TTC34: variants seen among roughly 807,000 people sequenced by gnomAD.
TTC34 encodes tetratricopeptide repeat protein 34.
Under a neutral mutation model 40.7 loss-of-function variants are expected in TTC34, and 44 were observed. That is an observed-to-expected ratio of 1.08 (90% confidence interval 0.85 to 1.39). TTC34 has a LOEUF of 1.39. TTC34 is among the 40% of genes most tolerant of loss of function. The pLI, the probability that TTC34 is intolerant of heterozygous loss-of-function variation, is 0.00. For missense variants in TTC34, 884 were observed against 838.0 expected, an observed-to-expected ratio of 1.05 and a Z score of -0.68; for synonymous variants, 422 against 398.6, an observed-to-expected ratio of 1.06 and a Z score of -0.70.
intron 3 of TTC34, among the ~76,000 whole-genome samples, chr1:2,788,013 A>C (rs1216214379): frequency 6.6e-6 from 1 of 152,344 alleles, no homozygotes; most frequent in Non-Finnish European, 1.5e-5. Flanking sequence ...ACAGACGAAC[A>C]ATTTGGCCTT....
chr1:2,652,166 CCCAGGTGAGCATCTG>C, intron 6 of TTC34, among the ~76,000 whole-genome samples: 2 of 151,026 alleles, frequency 1.3e-5, no homozygotes, highest in African/African-American at 2.4e-5. Flanking sequence ...AACCCACACC[CCCAGGTGAGCATCTG>C]ACAGACTGGA....
exon 9 of TTC34, chr1:2,638,851 C>A (rs1004997960): frequency 6.6e-6 from 1 of 152,286 alleles, no homozygotes; most frequent in Admixed American, 6.5e-5. Context: ...GCCGCGGGAA[C>A]GGGCATGTCT....
chr1:2,687,312 A>G (rs61765678), intron 6 of TTC34, among the ~76,000 whole-genome samples: 1,842 of 89,834 alleles, frequency 0.021, 50 homozygotes, highest in Middle Eastern at 0.062. Flanking sequence ...ACATCGTGGA[A>G]CAGCACCCCA....
intron 6 of TTC34, among the ~76,000 whole-genome samples, chr1:2,695,675 C>T (rs1244758099): frequency 8.2e-6 from 1 of 121,664 alleles, no homozygotes; most frequent in Non-Finnish European, 1.8e-5. Context: ...AGCACCCACA[C>T]CCCCAGGTGA....
intron 6 of TTC34, among the ~76,000 whole-genome samples, chr1:2,660,782 G>A (rs1447466783): frequency 4.1e-4 from 57 of 140,384 alleles, no homozygotes; most frequent in African/African-American, 1.5e-3. Context: ...GACTGGAGCA[G>A]CACCCACACC....
chr1:2,775,103 T>C (rs559741741), intron 6 of TTC34: 13 of 128,826 alleles, frequency 1.0e-4, no homozygotes, highest in African/African-American at 4.0e-4. Flanking sequence ...AACAGAATTC[T>C]CCAACCACAG....
rs1423673966 is a variant in TTC34 at position 2,684,845 on chromosome 1, T to G, written c.2227-39282A>C. On this transcript the variant is annotated intron_variant, in intron 6 of 8. Transcript: ENST00000401095. ...TGCAGCAGCACCCCACACCCACAGG[T>G]GAGCATCTGACAGCCTGGAGCAGCA... Among the ~76,000 whole-genome samples the G allele has an allele frequency of 4.0e-4, 36 of 90,614 alleles. 1 individual carries two copies. Among genetic ancestry groups the G allele is most frequent in the African/African-American group, 4.7e-4 (8 of 16,864 alleles). 59.4% of individuals were successfully genotyped at this position (90,614 alleles called of 152,430 possible).
At chr1:2,688,176 G>C (rs1640454929) in intron 6 of TTC34, among the ~76,000 whole-genome samples, 1 of 151,928 alleles carries the variant, frequency 6.6e-6, no homozygotes. Flanking sequence ...ACCCCCAGGC[G>C]AGCATCGGAC....
intron 6 of TTC34, among the ~76,000 whole-genome samples, chr1:2,755,341 C>A (rs1461738908): frequency 1.9e-5 from 1 of 51,292 alleles, no homozygotes; most frequent in Non-Finnish European, 3.2e-5. Context: ...AGCACCCACA[C>A]TGCCAGGCGA....
At chr1:2,644,271 A>G (rs1054549093) in exon 8 of TTC34, 3 of 1,533,526 alleles carry the variant, frequency 2.0e-6, no homozygotes, top group African/African-American at 2.7e-5. Context: ...CACCTGGGCA[A>G]GGCTCTGCCG....
At chr1:2,688,537 G>T (rs1640478671) in intron 6 of TTC34, among the ~76,000 whole-genome samples, 1 of 143,334 alleles carries the variant, frequency 7.0e-6, no homozygotes, top group Admixed American at 6.8e-5. Flanking sequence ...ACACCCACAG[G>T]CGAGCACCTG....
intron 6 of TTC34, among the ~76,000 whole-genome samples, chr1:2,769,914 C>T (rs1182080081): frequency 2.4e-5 from 2 of 84,428 alleles, no homozygotes; most frequent in Non-Finnish European, 4.6e-5. Context: ...CACCCATACC[C>T]CCAGGTGAGA....
rs76086407 is a variant in TTC34, at chr1:2,656,401, T to C, written c.2227-10838A>G. Among the ~76,000 whole-genome samples, 11 of 1,342 alleles carry C rather than the reference T, an allele frequency of 8.2e-3. 1 individual carries two copies. Among genetic ancestry groups the C allele is most frequent in the African/African-American group, 0.025 (10 of 402 alleles). 0.9% of individuals were successfully genotyped at this position (1,342 alleles called of 152,430 possible). ...CCACAGGTGAGCATCTGACAGCATG[T>C]AACAGCACCCACACCCCCAGGTGAG... is the stretch of plus-strand genomic sequence containing the variant. On this transcript the variant is annotated intron_variant, in intron 6 of 8. Coordinates refer to ENST00000401095, the Ensembl canonical transcript of TTC34.
chr1:2,645,208 A>G lies in TTC34; in HGVS notation c.2497+85T>C. On this transcript the variant is annotated intron_variant, in intron 7 of 8. Transcript: ENST00000401095. The surrounding 1 kb of genome is among the most constrained non-coding windows in gnomAD (Gnocchi z 4.7). ...GTTGTGGTCCGGGTCTCTTTCTTCC[A>G]TTTTTACAGAACAGGATACAGAGGT... 2 of 1,353,534 alleles carry G rather than the reference A, an allele frequency of 1.5e-6. No homozygotes were observed. Among genetic ancestry groups the G allele is most frequent in the African/African-American group, 1.5e-5 (1 of 67,252 alleles). The allele number at this position is 1,353,534 out of a possible 1,614,324, so 83.8% of individuals were successfully genotyped here. A position where few individuals can be genotyped will look rare whatever the true frequency, so the allele number is the denominator to read the frequency against.
chr1:2,759,954 A>AGCAACACC (rs1641640620), intron 6 of TTC34, among the ~76,000 whole-genome samples: 1 of 139,100 alleles, frequency 7.2e-6, no homozygotes, highest in Non-Finnish European at 1.5e-5. Context: ...CTGGAAAGGC[A>AGCAACACC]CCCACACCAC....
chr1:2,750,179 T>G (rs1641268565), intron 6 of TTC34, among the ~76,000 whole-genome samples: 2 of 151,946 alleles, frequency 1.3e-5, no homozygotes, highest in Admixed American at 6.5e-5. Context: ...GGCGAGCATC[T>G]GACAGCCTGG....
chr1:2,747,697 G>GC (rs1641198012), intron 6 of TTC34, among the ~76,000 whole-genome samples: 2 of 107,298 alleles, frequency 1.9e-5, no homozygotes, highest in Non-Finnish European at 1.9e-5. Flanking sequence ...GCATCTGACA[G>GC]CTTGGAACAG....
At chr1:2,794,422 T>C (rs1361826959) in intron 2 of TTC34, among the ~76,000 whole-genome samples, 1 of 152,252 alleles carries the variant, frequency 6.6e-6, no homozygotes, top group Non-Finnish European at 1.5e-5. Context: ...AGGGCATCTA[T>C]TTGTTGCTGG....
At chr1:2,753,288 C>G (rs1641387476) in intron 6 of TTC34, among the ~76,000 whole-genome samples, 1 of 94,504 alleles carries the variant, frequency 1.1e-5, no homozygotes, top group African/African-American at 4.7e-5. Flanking sequence ...TGGAACAGCA[C>G]CCTGCACACC....
Sources: gnomAD v4.1 joint callset for allele counts (sites outside exome capture counted in the v4.1 genomes callset) on GRCh38, gnomAD v4.1.1 for gene constraint, Gnocchi (gnomAD v3.1) non-coding constraint, MANE v1.5 for transcripts, NCBI Gene and HGNC (gene_info 2026-07-23, HGNC 2026-07-21) for gene names.